Variants in CFHR5 observed in about 807,000 individuals in gnomAD.
CFHR5 encodes complement factor H related 5.
Under a neutral mutation model 62.9 loss-of-function variants are expected in CFHR5, and 73 were observed. The ratio of observed to expected loss-of-function variants is 1.16; its 90% CI spans 0.96 to 1.41. The LOEUF (loss-of-function observed/expected upper bound fraction) is 1.41. Ranked by LOEUF, CFHR5 falls within the 40% of genes most tolerant of loss-of-function variation. The pLI, the probability that CFHR5 is intolerant of heterozygous loss-of-function variation, is 0.00. For missense variants in CFHR5, 779 were observed against 679.9 expected, an observed-to-expected ratio of 1.15 and a Z score of -1.62; for synonymous variants, 249 against 227.2, an observed-to-expected ratio of 1.10 and a Z score of -0.86.
Position 197,002,473 on chromosome 1 carries a change from A to G in CFHR5, c.1148-9A>G, listed in dbSNP as rs1205985969. Reference sequence around the variant, plus strand: ...ATTAATCATATAATTTAATTCCAATATTTTGTAGAAAAAAGGGAACAATTC... The same window carrying G: ...ATTAATCATATAATTTAATTCCAATGTTTTGTAGAAAAAAGGGAACAATTC... On this transcript the variant is annotated splice_polypyrimidine_tract_variant and intron_variant, in intron 7 of 9. Transcript: ENST00000256785. The G allele has an allele frequency of 6.2e-7, 1 of 1,607,136 alleles. No homozygotes were observed. Among genetic ancestry groups the G allele is most frequent in the Non-Finnish European group, 8.5e-7 (1 of 1,174,352 alleles).
At chr1:197,006,922 C>G (rs1438773775) in intron 9 of CFHR5, among the ~76,000 whole-genome samples, 1 of 149,754 alleles carries the variant, frequency 6.7e-6, no homozygotes, top group Non-Finnish European at 1.5e-5. Context: ...TTGCAACCTC[C>G]GCCTCCTGGG....
intron 8 of CFHR5, among the ~76,000 whole-genome samples, chr1:197,003,970 T>C (rs896467378): frequency 2.0e-5 from 3 of 152,078 alleles, no homozygotes; most frequent in African/African-American, 7.3e-5. Flanking sequence ...GAAGTCAATC[T>C]GAGAAAGCAA....
Position 196,994,089 on chromosome 1 carries a change from G to A in CFHR5, c.440G>A (p.Cys147Tyr). 2 of 1,611,634 alleles carry A rather than the reference G, an allele frequency of 1.2e-6. No individual in the cohort carries two copies. The highest frequency in any genetic ancestry group is 1.7e-6 in the Non-Finnish European group (2 of 1,178,254). The change falls in exon 4 of 10, where the codon TGT becomes TAT. Residue 147 changes from cysteine (C) to tyrosine (Y), a missense_variant. Coordinates refer to ENST00000256785, the MANE Select transcript of CFHR5 (RefSeq NM_030787.4). ...TTAATTTTATTTTTAGAAGGAGAAT[G>A]TCATGTTCCAATTTTAGAAGCCAAT... is the stretch of plus-strand genomic sequence containing the variant. ...PPICSFTKGE[C>Y]HVPILEANVD... is the part of the protein sequence containing the mutation.
intron 7 of CFHR5, among the ~76,000 whole-genome samples, chr1:197,002,014 A>G (rs1160539125): frequency 2.0e-5 from 3 of 152,180 alleles, no homozygotes. Flanking sequence ...TCTCATGTTT[A>G]CAAGAAAATG....
rs1252319004 is a variant in CFHR5, at chr1:197,008,888, A to G, written c.*205A>G. 1.8e-6 allele frequency: 1 copy of G among 553,072 alleles called. No homozygotes were observed. Among genetic ancestry groups the G allele is most frequent in the Non-Finnish European group, 3.2e-6 (1 of 309,158 alleles). 34.3% of individuals were successfully genotyped at this position (553,072 alleles called of 1,614,324 possible). ...ACTTAATAGGAGGGTGTCTTAGTCCATATTACATTGTTATAACAGAGTATC... is the reference window on the plus strand; with the variant it reads ...ACTTAATAGGAGGGTGTCTTAGTCCGTATTACATTGTTATAACAGAGTATC... On this transcript the variant is annotated 3_prime_UTR_variant, in exon 10 of 10. Coordinates refer to ENST00000256785, the MANE Select transcript of CFHR5 (RefSeq NM_030787.4).
At chr1:197,005,459 C>T (rs1245574646) in intron 9 of CFHR5, among the ~76,000 whole-genome samples, 1 of 151,988 alleles carries the variant, frequency 6.6e-6, no homozygotes. Flanking sequence ...CACTTTGTGG[C>T]ATTAAAAAAA....
intron 9 of CFHR5, among the ~76,000 whole-genome samples, chr1:197,006,276 A>C (rs1654284688): frequency 6.6e-6 from 1 of 151,812 alleles, no homozygotes; most frequent in Non-Finnish European, 1.5e-5. Context: ...ACAAACACAA[A>C]CACACAATCA....
rs200877937 is a variant in CFHR5, at chr1:197,002,468, C to A, written c.1148-14C>A. The A allele has an allele frequency of 4.4e-6, 7 of 1,603,106 alleles. No homozygotes were observed. In the African/African-American group the frequency reaches 5.4e-5, roughly 12 times the overall value. ...CTTTTATTAATCATATAATTTAATTCCAATATTTTGTAGAAAAAAGGGAAC... is the reference window on the plus strand; with the variant it reads ...CTTTTATTAATCATATAATTTAATTACAATATTTTGTAGAAAAAAGGGAAC... On this transcript the variant is annotated splice_polypyrimidine_tract_variant and intron_variant, in intron 7 of 9. Transcript: ENST00000256785.
intron 4 of CFHR5, among the ~76,000 whole-genome samples, chr1:196,995,299 ATAT>A (rs1156417277): frequency 2.0e-5 from 3 of 151,956 alleles, no homozygotes; most frequent in Non-Finnish European, 2.9e-5. Flanking sequence ...TACTAAGAAA[ATAT>A]TATTAATTTG....
At chr1:196,993,735 T>A (rs1653912205) in intron 3 of CFHR5, among the ~76,000 whole-genome samples, 1 of 152,202 alleles carries the variant, frequency 6.6e-6, no homozygotes, top group South Asian at 2.1e-4. Flanking sequence ...TATAAACAAA[T>A]AATGTTATTA....
At chr1:196,976,799 C>CTTTTT (rs10588279), upstream of CFHR5, among the ~76,000 whole-genome samples, 23 of 98,146 alleles carry the variant, frequency 2.3e-4, 1 homozygote, top group African/African-American at 6.5e-4. Context: ...AAAAATTATT[C>CTTTTT]TTTTTTTTTT....
chr1:196,997,875 C>T (rs1654036060), intron 6 of CFHR5, among the ~76,000 whole-genome samples: 1 of 152,112 alleles, frequency 6.6e-6, no homozygotes, highest in East Asian at 1.9e-4. Flanking sequence ...AGTCAAAACT[C>T]CCACTAGGAA....
At chr1:196,981,703 A>G (rs1653546685) in intron 1 of CFHR5, among the ~76,000 whole-genome samples, 2 of 151,958 alleles carry the variant, frequency 1.3e-5, no homozygotes, top group Admixed American at 1.3e-4. Flanking sequence ...CCCAGCAGAT[A>G]CCAAAATCCA....
In CFHR5 at chr1:197,004,274, G is replaced by A. The variant is rs563866758; in HGVS notation, c.1331-387G>A. Among the ~76,000 whole-genome samples the A allele has an allele frequency of 6.8e-4, 104 of 152,208 alleles. No individual in the cohort carries two copies. The Middle Eastern group carries it at 0.01, about 15-fold the overall frequency. The stretch of plus-strand genomic sequence containing the variant: ...CAATTCATTTTCAGTAAAACTACAA[G>A]TTTATGATCATATACTAGTTGGTAT... On this transcript the variant is annotated intron_variant, in intron 8 of 9. Coordinates refer to ENST00000256785, the MANE Select transcript of CFHR5 (RefSeq NM_030787.4).
intron 9 of CFHR5, among the ~76,000 whole-genome samples, chr1:197,005,544 T>C (rs992494378): frequency 6.6e-6 from 1 of 152,116 alleles, no homozygotes; most frequent in African/African-American, 2.4e-5. Context: ...TTATCGGTCA[T>C]GACAAACTAA....
At chr1:196,976,329 G>C (rs1220055875), upstream of CFHR5, among the ~76,000 whole-genome samples, 1 of 152,100 alleles carries the variant, frequency 6.6e-6, no homozygotes, top group Non-Finnish European at 1.5e-5. Flanking sequence ...TTTGTTGCTT[G>C]CTTCAGCTAG....
chr1:196,983,227 C>T (rs753119403), intron 2 of CFHR5, 148 bp downstream of exon 2: 77 of 986,600 alleles, frequency 7.8e-5, no homozygotes, highest in Non-Finnish European at 1.2e-4. Flanking sequence ...TTTTGAGACC[C>T]CTCCTATGAG....
intron 8 of CFHR5, among the ~76,000 whole-genome samples, chr1:197,003,244 G>A (rs1032369921): frequency 2.0e-5 from 3 of 152,164 alleles, no homozygotes; most frequent in South Asian, 2.1e-4. Context: ...GATCTGACAG[G>A]AGGTAGTAAT....
At chr1:196,977,000 G>C (rs1158728765), upstream of CFHR5, among the ~76,000 whole-genome samples, 1 of 151,270 alleles carries the variant, frequency 6.6e-6, no homozygotes, top group African/African-American at 2.4e-5. Context: ...AGTAGAGACG[G>C]GTTTCACCGT....
Sources: gnomAD v4.1 joint callset for allele counts (sites outside exome capture counted in the v4.1 genomes callset) on GRCh38, gnomAD v4.1.1 for gene constraint, MANE v1.5 for transcripts, NCBI Gene and HGNC (gene_info 2026-07-23, HGNC 2026-07-21) for gene names.